The following MRPL44 variants were observed in gnomAD, a reference collection of about 807,000 sequenced individuals.
MRPL44 encodes the protein mitochondrial ribosomal protein L44, also known as large ribosomal subunit protein mL44.
In MRPL44, 21 loss-of-function variants were observed where a neutral mutation model predicts 25.9. That is an observed-to-expected ratio of 0.81 (90% CI 0.58 to 1.17). The LOEUF (loss-of-function observed/expected upper bound fraction) is 1.17. MRPL44 is among the 50% of genes most tolerant of loss of function. The probability of loss-of-function intolerance (pLI) is 0.00; values close to 1 mark genes in which losing one functional copy is unlikely to be tolerated. For missense variants in MRPL44, 410 were observed against 398.9 expected (o/e 1.03, Z -0.24); for synonymous variants, 169 against 151.0 (o/e 1.12, Z -0.87).
chr2:223,961,593 G>T (rs370040205), intron 2 of MRPL44, among the ~76,000 whole-genome samples: 1 of 152,246 alleles, frequency 6.6e-6, no homozygotes, highest in African/African-American at 2.4e-5. Flanking sequence ...AATTAGAACG[G>T]CACTCTTAGC....
intron 1 of MRPL44, 65 bp downstream of exon 1, chr2:223,957,716 G>T (rs888162790): frequency 1.3e-6 from 2 of 1,513,136 alleles, no homozygotes; most frequent in Non-Finnish European, 1.8e-6. Flanking sequence ...TCTTCCCGCG[G>T]CGTCGTGTCT....
At chr2:223,963,100 C>T (rs966784908) in intron 2 of MRPL44, among the ~76,000 whole-genome samples, 4 of 152,164 alleles carry the variant, frequency 2.6e-5, no homozygotes, top group Middle Eastern at 3.4e-3. Context: ...ACTTTTTATT[C>T]GTTAATTCTT....
Position 223,959,639 on chromosome 2 carries a change from C to T in MRPL44, c.285C>T (p.Ser95=), listed in dbSNP as rs754896241. The T allele has an allele frequency of 1.2e-6, 2 of 1,614,152 alleles. No individual in the cohort carries two copies. The highest frequency in any genetic ancestry group is 3.3e-5 in the Admixed American group (2 of 60,026). The change falls in exon 2 of 4, where the codon AGC becomes AGT. Residue 95 remains serine (S), a synonymous_variant. Transcript: ENST00000258383. ...LDLLKTAFVN[S]CYIKSEEAKR... is the part of the protein sequence containing the mutation. ...TTCTCAAAACTGCATTTGTTAATAG[C>T]TGCTATATTAAAAGTGAGGAGGCCA... is the stretch of plus-strand genomic sequence containing the variant.
chr2:223,960,354 A>G (rs1689639290), intron 2 of MRPL44, among the ~76,000 whole-genome samples: 1 of 152,236 alleles, frequency 6.6e-6, no homozygotes, highest in South Asian at 2.1e-4. Context: ...GTGCTTCAGT[A>G]CCAGCTGCTG....
intron 3 of MRPL44, among the ~76,000 whole-genome samples, chr2:223,964,523 T>C (rs1176003616): frequency 1.3e-5 from 2 of 152,328 alleles, no homozygotes; most frequent in African/African-American, 2.4e-5. Flanking sequence ...CGAAAGACTT[T>C]ATAAGTATAA....
chr2:223,959,644 A>C lies in MRPL44; in HGVS notation c.290A>C (p.Tyr97Ser). The C allele has an allele frequency of 1.2e-6, 2 of 1,614,206 alleles. No individual in the cohort carries two copies. The highest frequency in any genetic ancestry group is 1.7e-6 in the Non-Finnish European group (2 of 1,180,022). ...LLKTAFVNSC[Y>S]IKSEEAKRQQ... is the part of the protein sequence containing the mutation. ...AAAACTGCATTTGTTAATAGCTGCT[A>C]TATTAAAAGTGAGGAGGCCAAACGC... Residue 97 changes from tyrosine to serine, a missense_variant, in exon 2 of 4, where the codon TAT becomes TCT. By Grantham distance (144) the Tyr-to-Ser change is moderately radical. Transcript: ENST00000258383.
upstream of MRPL44, among the ~76,000 whole-genome samples, chr2:223,956,297 C>G (rs759010899): frequency 6.6e-6 from 1 of 152,166 alleles, no homozygotes; most frequent in Non-Finnish European, 1.5e-5. Context: ...CAAAGGGAAC[C>G]CTTTTATAAG....
upstream of MRPL44, chr2:223,957,327 T>C (rs1160468622): frequency 2.0e-6 from 2 of 999,274 alleles, no homozygotes; most frequent in Non-Finnish European, 3.0e-6. Flanking sequence ...TCTCCGCCCC[T>C]GCCCTCTCTC....
At position 223,967,036 on chromosome 2, in the gene MRPL44, C is replaced by T. The variant is rs140757715; in HGVS notation, c.*2C>T. ...GAAAAGAGCATCACTGCCAGCTAGC[C>T]GCCATGGATGCAGCAGCCTGAAACT... On this transcript the variant is annotated 3_prime_UTR_variant, in exon 4 of 4. Transcript: ENST00000258383. 1,357 of 1,603,562 alleles carry T rather than the reference C, an allele frequency of 8.5e-4. 6 individuals carry two copies. In the African/African-American group the frequency reaches 0.016, roughly 19 times the overall value.
chr2:223,967,073 GT>G lies in MRPL44; in HGVS notation c.*40del. The G allele has an allele frequency of 6.5e-7, 1 of 1,544,038 alleles. No individual in the cohort carries two copies. The highest frequency in any genetic ancestry group is 8.8e-7 in the Non-Finnish European group (1 of 1,141,112). ...AGCAGCCTGAAACTTGAGAGCGAAA[GT>G]GAGATAAATGTCAAAGGTGTTTCAA... On this transcript the variant is annotated 3_prime_UTR_variant, in exon 4 of 4. Coordinates refer to ENST00000258383, the MANE Select transcript of MRPL44 (RefSeq NM_022915.5).
chr2:223,960,942 A>G (rs2106117320), intron 2 of MRPL44, among the ~76,000 whole-genome samples: 1 of 152,358 alleles, frequency 6.6e-6, no homozygotes, highest in South Asian at 2.1e-4. Context: ...TAACAGTTCC[A>G]AGTAAAGATC....
rs143020958 is a variant in MRPL44, at chr2:223,967,296, G to A, written c.*262G>A. Reference sequence around the variant, plus strand: ...CGCCCAGGCTGGACTGCAGTGGTGCGATCTCGGCTCACTGCAACCTCCACC... The same window carrying A: ...CGCCCAGGCTGGACTGCAGTGGTGCAATCTCGGCTCACTGCAACCTCCACC... On this transcript the variant is annotated 3_prime_UTR_variant, in exon 4 of 4. Coordinates refer to ENST00000258383, the MANE Select transcript of MRPL44 (RefSeq NM_022915.5). 1.3e-3 allele frequency: 383 copies of A among 294,156 alleles called. 2 individuals carry two copies. The highest frequency in any genetic ancestry group is 7.8e-3 in the African/African-American group (357 of 45,724). 18.2% of individuals were successfully genotyped at this position (294,156 alleles called of 1,614,324 possible). A position where few individuals can be genotyped will look rare whatever the true frequency, so the allele number is the denominator to read the frequency against.
chr2:223,962,214 G>C (rs531914940), intron 2 of MRPL44, among the ~76,000 whole-genome samples: 3 of 152,216 alleles, frequency 2.0e-5, no homozygotes, highest in African/African-American at 7.2e-5. Context: ...TTTCTGTAGA[G>C]CCGTGGTCTC....
Position 223,967,069 on chromosome 2 carries a change from G to C in MRPL44, c.*35G>C. On this transcript the variant is annotated 3_prime_UTR_variant, in exon 4 of 4. Coordinates refer to ENST00000258383, the MANE Select transcript of MRPL44 (RefSeq NM_022915.5). The stretch of plus-strand genomic sequence containing the variant: ...ATGCAGCAGCCTGAAACTTGAGAGC[G>C]AAAGTGAGATAAATGTCAAAGGTGT... 6.5e-7 allele frequency: 1 copy of C among 1,546,900 alleles called. No homozygotes were observed. Among genetic ancestry groups the C allele is most frequent in the Non-Finnish European group, 8.8e-7 (1 of 1,142,834 alleles).
intron 2 of MRPL44, among the ~76,000 whole-genome samples, chr2:223,962,072 G>T (rs1349024821): frequency 1.3e-5 from 2 of 152,054 alleles, no homozygotes; most frequent in African/African-American, 4.8e-5. Flanking sequence ...CATCTCTGTT[G>T]TCCATGCTGG....
Position 223,966,993 on chromosome 2 carries a change from A to G in MRPL44, c.958A>G (p.Lys320Glu), listed in dbSNP as rs1265448877. 2 of 1,613,812 alleles carry G rather than the reference A, an allele frequency of 1.2e-6. No individual in the cohort carries two copies. Among genetic ancestry groups the G allele is most frequent in the Non-Finnish European group, 1.7e-6 (2 of 1,179,830 alleles). Reference protein sequence around the residue: ...NRRPWNYSKPKETLRAEKSIT... With the variant: ...NRRPWNYSKPEETLRAEKSIT... ...ACGGCCGTGGAACTATTCCAAGCCC[A>G]AAGAAACCTTGAGAGCAGAAAAGAG... Residue 320 changes from lysine to glutamate, a missense_variant, in exon 4 of 4, where the codon AAA becomes GAA. By Grantham distance (56) the Lys-to-Glu change is moderately conservative. Transcript: ENST00000258383.
At chr2:223,959,392 A>C in intron 1 of MRPL44, 142 bp from the exon 2 acceptor site, 1 of 658,372 alleles carries the variant, frequency 1.5e-6, no homozygotes, top group Non-Finnish European at 2.6e-6. Context: ...AACATTTAGA[A>C]TATCAACCTG....
chr2:223,966,999 A>G lies in MRPL44; in HGVS notation c.964A>G (p.Thr322Ala), dbSNP rs763761977. 1 of 1,613,596 alleles carries G rather than the reference A, an allele frequency of 6.2e-7. No individual in the cohort carries two copies. Residue 322 changes from threonine (T) to alanine (A), a missense_variant, in exon 4 of 4, where the codon ACC becomes GCC. By Grantham distance (58) the Thr-to-Ala change is moderately conservative (BLOSUM62 0). Transcript: ENST00000258383. Reference protein sequence around the residue: ...RPWNYSKPKETLRAEKSITAS With the variant: ...RPWNYSKPKEALRAEKSITAS ...GTGGAACTATTCCAAGCCCAAAGAA[A>G]CCTTGAGAGCAGAAAAGAGCATCAC...
At chr2:223,961,651 A>G (rs1381981872) in intron 2 of MRPL44, among the ~76,000 whole-genome samples, 2 of 152,152 alleles carry the variant, frequency 1.3e-5, no homozygotes, top group African/African-American at 2.4e-5. Context: ...CGACAGCTGG[A>G]GTTGTTCTAA....
Sources: allele counts gnomAD v4.1 joint callset (sites outside exome capture counted in the v4.1 genomes callset), GRCh38; gene constraint gnomAD v4.1.1; transcripts MANE v1.5; gene names NCBI Gene and HGNC (gene_info 2026-07-23, HGNC 2026-07-21).